The following PTPRN2 variants were observed in gnomAD, a reference collection of about 807,000 sequenced individuals.
PTPRN2 encodes the protein receptor-type tyrosine-protein phosphatase N2.
PTPRN2 carries 74 observed loss-of-function variants against 118.8 expected under a neutral mutation model. That is an observed-to-expected ratio of 0.62 (90% CI 0.52 to 0.76). The LOEUF is 0.76. Among genes scored for constraint, PTPRN2 ranks in the 30% least tolerant of loss-of-function variants. The pLI is 0.00. For synonymous variants in PTPRN2, 641 were observed against 608.0 expected (o/e 1.05, Z -0.80); for missense variants, 1,481 against 1,394.4 (o/e 1.06, Z -0.99).
Position 157,629,516 on chromosome 7 carries a change from G to A in PTPRN2, c.2197-8007C>T, listed in dbSNP as rs1803808069. ...ACTATTTAAAAATGAGCAAAAGCCG[G>A]TCCATCTGGCATTATTTCTCATCAA... On this transcript the variant is annotated intron_variant, in intron 14 of 22. Transcript: ENST00000389418. The surrounding 1 kb of genome is among the most constrained non-coding windows in gnomAD (Gnocchi z 4.4). Among the ~76,000 whole-genome samples, 3 of 152,256 alleles carry A rather than the reference G, an allele frequency of 2.0e-5. No homozygotes were observed. In the South Asian group the frequency reaches 6.2e-4, roughly 32 times the overall value.
chr7:158,198,953 C>T (rs980587551), intron 4 of PTPRN2, among the ~76,000 whole-genome samples: 3 of 147,528 alleles, frequency 2.0e-5, no homozygotes, highest in Non-Finnish European at 4.5e-5. Flanking sequence ...CTTCTCAGGT[C>T]CTCCTTAGCC....
intron 2 of PTPRN2, among the ~76,000 whole-genome samples, chr7:158,468,095 C>T (rs1167900640): frequency 6.6e-6 from 1 of 152,196 alleles, no homozygotes; most frequent in Non-Finnish European, 1.5e-5. Flanking sequence ...CTTCCTACAT[C>T]TTCAGCTAAT....
chr7:158,110,739 G>A, intron 10 of PTPRN2, 90 bp downstream of exon 10: 1 of 1,216,868 alleles, frequency 8.2e-7, no homozygotes, highest in Non-Finnish European at 1.2e-6. Context: ...TAATTAACAA[G>A]AGCCATGGGC....
At chr7:158,278,347 CA>C (rs34662497) in intron 3 of PTPRN2, among the ~76,000 whole-genome samples, 95,798 of 144,536 alleles carry the variant, frequency 0.66, 32,157 homozygotes, top group South Asian at 0.84. Context: ...TACTAAAATA[CA>C]AAAAAAAAAA....
At chr7:157,824,103 C>G (rs556997183) in intron 12 of PTPRN2, among the ~76,000 whole-genome samples, 1 of 152,304 alleles carries the variant, frequency 6.6e-6, no homozygotes, top group East Asian at 1.9e-4. Flanking sequence ...CTGAACCCAG[C>G]GAGAGCACAC....
At chr7:158,011,688 C>T (rs1190142943) in intron 11 of PTPRN2, among the ~76,000 whole-genome samples, 1 of 152,170 alleles carries the variant, frequency 6.6e-6, no homozygotes, top group South Asian at 2.1e-4. Context: ...GGGAACTTAT[C>T]CTACAAACTA....
intron 12 of PTPRN2, among the ~76,000 whole-genome samples, chr7:157,751,797 C>T (rs1801485375): frequency 6.7e-6 from 1 of 150,370 alleles, no homozygotes; most frequent in Non-Finnish European, 1.5e-5. Flanking sequence ...GGGACCATTC[C>T]TACGGGATGA....
At chr7:158,424,552 CAT>C (rs773859047) in intron 2 of PTPRN2, among the ~76,000 whole-genome samples, 1 of 152,236 alleles carries the variant, frequency 6.6e-6, no homozygotes, top group Non-Finnish European at 1.5e-5. Context: ...TCAAACAAAT[CAT>C]ATGTGTGTAC....
At chr7:158,502,555 C>T (rs148269304) in intron 1 of PTPRN2, among the ~76,000 whole-genome samples, 2,132 of 152,308 alleles carry the variant, frequency 0.014, 24 homozygotes, top group Non-Finnish European at 0.021. Flanking sequence ...GCCTTCCTCC[C>T]GGCTGCACTT....
At chr7:158,541,638 T>C (rs1195279030) in intron 1 of PTPRN2, 1 of 1,348,008 alleles carries the variant, frequency 7.4e-7, no homozygotes, top group South Asian at 1.1e-5. Flanking sequence ...CTTTGCAAAA[T>C]CTGGCTATAA....
At chr7:158,510,670 A>T (rs1823112410) in intron 1 of PTPRN2, among the ~76,000 whole-genome samples, 1 of 152,326 alleles carries the variant, frequency 6.6e-6, no homozygotes, top group East Asian at 1.9e-4. Context: ...CCTATTTGAT[A>T]AAAAATACTG....
At chr7:158,229,272 T>C (rs1427123401) in intron 3 of PTPRN2, among the ~76,000 whole-genome samples, 2 of 151,954 alleles carry the variant, frequency 1.3e-5, no homozygotes, top group Non-Finnish European at 2.9e-5. Context: ...ATGTATCCAA[T>C]AAAAACTAAA....
chr7:158,404,861 A>G (rs1196608865), intron 2 of PTPRN2, among the ~76,000 whole-genome samples: 192 of 23,356 alleles, frequency 8.2e-3, no homozygotes, highest in African/African-American at 0.025. Context: ...CCAGCTCCCC[A>G]GCCCCCAGCT....
Position 158,087,574 on chromosome 7 carries a change from G to A in PTPRN2, c.1644-6197C>T, listed in dbSNP as rs146268367. 2.3e-3 allele frequency among the ~76,000 whole-genome samples: 252 copies of A among 107,340 alleles called. 2 individuals are homozygous for A. The highest frequency in any genetic ancestry group is 5.9e-3 in the Admixed American group (55 of 9,356). 70.4% of individuals were successfully genotyped at this position (107,340 alleles called of 152,430 possible). On this transcript the variant is annotated intron_variant, in intron 10 of 22. Coordinates refer to ENST00000389418, the MANE Select transcript of PTPRN2 (RefSeq NM_002847.5). ...GAATGCTGCCCACTCAGATGCAAAC[G>A]CTTCCTCCCCTGACGAAGGAGGGAG...
intron 3 of PTPRN2, among the ~76,000 whole-genome samples, chr7:158,207,804 C>G (rs1222876682): frequency 6.6e-6 from 1 of 152,042 alleles, no homozygotes; most frequent in Non-Finnish European, 1.5e-5. Flanking sequence ...GCACCAGGGA[C>G]CAATCCTGGA....
Position 158,032,816 on chromosome 7 carries a change from C to T in PTPRN2, c.1723+48482G>A, listed in dbSNP as rs905619073. Among the ~76,000 whole-genome samples the T allele has an allele frequency of 1.1e-4, 16 of 152,100 alleles. 1 individual carries two copies. Among genetic ancestry groups the T allele is most frequent in the African/African-American group, 3.9e-4 (16 of 41,418 alleles). On this transcript the variant is annotated intron_variant, in intron 11 of 22. Coordinates refer to ENST00000389418, the MANE Select transcript of PTPRN2 (RefSeq NM_002847.5). ...ACCACAACGGCCCCACGTCCAGCAC[C>T]GTGTGGAGGACGGTACATCTTCCAT...
At position 157,780,206 on chromosome 7, in the gene PTPRN2, T is replaced by C. The variant is rs1439690961; in HGVS notation, c.1789-97269A>G. ...CTCTGGGCCGTGTGTCCTCCTGGTC[T>C]ACCTCCAGCACAAGGACGTTCCTCA... is the stretch of plus-strand genomic sequence containing the variant. On this transcript the variant is annotated intron_variant, in intron 12 of 22. Transcript: ENST00000389418. The surrounding 1 kb of genome is among the most constrained non-coding windows in gnomAD (Gnocchi z 4.5). Among the ~76,000 whole-genome samples the C allele has an allele frequency of 6.6e-6, 1 of 152,212 alleles. No homozygotes were observed. The highest frequency in any genetic ancestry group is 6.5e-5 in the Admixed American group (1 of 15,278).
chr7:157,679,715 C>G (rs201618407), intron 13 of PTPRN2, among the ~76,000 whole-genome samples: 1 of 151,794 alleles, frequency 6.6e-6, no homozygotes. Flanking sequence ...GGGGTCGGGG[C>G]TGGGGGGTTC....
chr7:157,757,087 TCA>T (rs1801827231), intron 12 of PTPRN2, among the ~76,000 whole-genome samples: 1 of 152,042 alleles, frequency 6.6e-6, no homozygotes, highest in Admixed American at 6.6e-5. Flanking sequence ...GCTATGCGGC[TCA>T]CAAGATAAAA....
Sources: gnomAD v4.1 joint callset for allele counts (sites outside exome capture counted in the v4.1 genomes callset) on GRCh38, gnomAD v4.1.1 for gene constraint, Gnocchi (gnomAD v3.1) non-coding constraint, MANE v1.5 for transcripts, NCBI Gene and HGNC (gene_info 2026-07-23, HGNC 2026-07-21) for gene names.